The following RYR2 variants were observed in gnomAD, a reference collection of about 807,000 sequenced individuals.
RYR2 encodes cardiac muscle ryanodine receptor-calcium release channel.
RYR2 carries 227 observed loss-of-function variants against 601.1 expected under a neutral mutation model. That is an observed-to-expected ratio of 0.38 (90% CI 0.34 to 0.42). RYR2 has a LOEUF of 0.42. Among genes scored for constraint, RYR2 ranks in the 10% least tolerant of loss-of-function variants. RYR2 has a pLI of 1.00. For missense variants in RYR2, 4,646 were observed against 6,156.5 expected (o/e 0.75, Z 8.21); for synonymous variants, 2,223 against 2,175.1 (o/e 1.02, Z -0.61).
At chr1:237,242,045 A>C (rs1334364895) in intron 1 of RYR2, among the ~76,000 whole-genome samples, 2 of 152,186 alleles carry the variant, frequency 1.3e-5, no homozygotes, top group African/African-American at 4.8e-5. Context: ...TAGTAGATAG[A>C]AAGGCATAAT....
At chr1:237,345,475 A>T (rs531693134) in intron 3 of RYR2, among the ~76,000 whole-genome samples, 85 of 146,482 alleles carry the variant, frequency 5.8e-4, no homozygotes, top group Non-Finnish European at 7.7e-4. Flanking sequence ...AATAAAAAAT[A>T]AAAAATAAAA....
chr1:237,614,198 G>C lies in RYR2; in HGVS notation c.5070G>C (p.Glu1690Asp). Residue 1690 changes from glutamate to aspartate, a missense_variant, in exon 37 of 105, where the codon GAG becomes GAC. By Grantham distance (45) the Glu-to-Asp change is conservative. Around this residue, in one of 17 missense-constraint regions of RYR2, gnomAD observed 1,807 missense variants for 2,088.1 expected, o/e 0.87. Transcript: ENST00000366574. This position sits in a 1 kb window ranked among gnomAD's most constrained non-coding sequence, Gnocchi z 4.3. ...VDEPQLLYAI[E>D]NKYMPGLLRA... Reference sequence around the variant, plus strand: ...AACCTCAGCTCCTCTATGCCATTGAGAACAAGTACATGCCTGGTTTGCTGC... The same window carrying C: ...AACCTCAGCTCCTCTATGCCATTGACAACAAGTACATGCCTGGTTTGCTGC... The C allele has an allele frequency of 2.5e-6, 4 of 1,614,004 alleles. No individual in the cohort carries two copies. Among genetic ancestry groups the C allele is most frequent in the Non-Finnish European group, 3.4e-6 (4 of 1,179,890 alleles).
chr1:237,334,507 A>G (rs1051768772), intron 3 of RYR2, among the ~76,000 whole-genome samples: 4 of 151,674 alleles, frequency 2.6e-5, no homozygotes, highest in Non-Finnish European at 4.4e-5. Flanking sequence ...TACATTGACT[A>G]TCATTTAGCT....
intron 2 of RYR2, among the ~76,000 whole-genome samples, chr1:237,291,575 C>G (rs1172452329): frequency 6.6e-6 from 1 of 152,090 alleles, no homozygotes; most frequent in African/African-American, 2.4e-5. Flanking sequence ...ACTGGTGCAT[C>G]CAGACAATGG....
rs569124843 is a variant in RYR2 at position 237,656,116 on chromosome 1, C to T, written c.8129+132C>T. On this transcript the variant is annotated intron_variant, in intron 53 of 104. Coordinates refer to ENST00000366574, the MANE Select transcript of RYR2 (RefSeq NM_001035.3). ...ATTGGTATCCTTTTAATAGGGGTCCCTTTAATTTATAAAACGATAGTAATA... is the reference window on the plus strand; with the variant it reads ...ATTGGTATCCTTTTAATAGGGGTCCTTTTAATTTATAAAACGATAGTAATA... 6 of 660,746 alleles carry T rather than the reference C, an allele frequency of 9.1e-6. No homozygotes were observed. In the Admixed American group the frequency reaches 2.1e-4, roughly 24 times the overall value. 40.9% of individuals were successfully genotyped at this position (660,746 alleles called of 1,614,324 possible).
At chr1:237,697,125 AC>A (rs1386652195) in intron 63 of RYR2, among the ~76,000 whole-genome samples, 2 of 150,612 alleles carry the variant, frequency 1.3e-5, no homozygotes, top group South Asian at 2.1e-4. Flanking sequence ...TAGCCACTTG[AC>A]CCTCTTTGCT....
intron 2 of RYR2, among the ~76,000 whole-genome samples, chr1:237,317,504 A>G (rs1324383255): frequency 6.6e-6 from 1 of 152,160 alleles, no homozygotes; most frequent in African/African-American, 2.4e-5. Flanking sequence ...ATTAGTATAT[A>G]GGATAGCTGA....
chr1:237,635,008 G>T lies in RYR2; in HGVS notation c.6792+16G>T, dbSNP rs1158899637. The T allele has an allele frequency of 7.4e-6, 11 of 1,492,722 alleles. No homozygotes were observed. The South Asian group carries it at 1.3e-4, about 18-fold the overall frequency. 92.5% of individuals were successfully genotyped at this position (1,492,722 alleles called of 1,614,324 possible). A position where few individuals can be genotyped will look rare whatever the true frequency, so the allele number is the denominator to read the frequency against. ...TCTAGAAAAGGTGAGCAATGTTCCT[G>T]CCCTGTGTGTTTGTCTGAATTATGC... On this transcript the variant is annotated intron_variant, in intron 44 of 104. Coordinates refer to ENST00000366574, the MANE Select transcript of RYR2 (RefSeq NM_001035.3).
At chr1:237,441,039 C>T (rs1372617988) in intron 12 of RYR2, among the ~76,000 whole-genome samples, 2 of 151,740 alleles carry the variant, frequency 1.3e-5, no homozygotes, top group African/African-American at 4.8e-5. Flanking sequence ...GTATGTTTAG[C>T]TTAACTACTG....
chr1:237,666,936 C>G (rs1179110908), intron 57 of RYR2, among the ~76,000 whole-genome samples: 1 of 151,820 alleles, frequency 6.6e-6, no homozygotes, highest in Non-Finnish European at 1.5e-5. Flanking sequence ...GTTGATACAA[C>G]TTTTTCTAGG....
intron 3 of RYR2, among the ~76,000 whole-genome samples, chr1:237,338,723 T>C (rs1004435459): frequency 2.0e-5 from 3 of 152,216 alleles, no homozygotes; most frequent in Non-Finnish European, 4.4e-5. Flanking sequence ...TATTATGGTA[T>C]CTGCTCAGAG....
intron 25 of RYR2, among the ~76,000 whole-genome samples, chr1:237,547,396 T>G (rs931608321): frequency 6.6e-6 from 1 of 152,210 alleles, no homozygotes; most frequent in African/African-American, 2.4e-5. Flanking sequence ...GTTCTTGAGT[T>G]GAAGATGCAT....
intron 70 of RYR2, among the ~76,000 whole-genome samples, chr1:237,709,884 T>G (rs1182550707): frequency 6.6e-6 from 1 of 152,248 alleles, no homozygotes; most frequent in African/African-American, 2.4e-5. Flanking sequence ...GTTCTCAGTT[T>G]GAGACGTGCT....
At chr1:237,492,511 T>C (rs1663475500) in intron 18 of RYR2, among the ~76,000 whole-genome samples, 1 of 152,108 alleles carries the variant, frequency 6.6e-6, no homozygotes. Context: ...TGTAAAAAAG[T>C]GCTGCTGATG....
At chr1:237,608,833 A>G (rs1042128895) in intron 35 of RYR2, among the ~76,000 whole-genome samples, 1 of 144,208 alleles carries the variant, frequency 6.9e-6, no homozygotes, top group Non-Finnish European at 1.5e-5. Flanking sequence ...AAAATTGGAC[A>G]AGGAGTTGTA....
chr1:237,281,315 G>T (rs1277863836), intron 2 of RYR2, among the ~76,000 whole-genome samples: 3 of 152,152 alleles, frequency 2.0e-5, no homozygotes, highest in Non-Finnish European at 1.5e-5. Flanking sequence ...ACTCATTCTG[G>T]AAATTTTTAA....
At chr1:237,192,932 A>G (rs1160969314) in intron 1 of RYR2, among the ~76,000 whole-genome samples, 1 of 152,136 alleles carries the variant, frequency 6.6e-6, no homozygotes, top group Non-Finnish European at 1.5e-5. Flanking sequence ...GATAAAGCAG[A>G]TGTGTTTTTC....
At chr1:237,499,661 A>T (rs1664428021) in intron 20 of RYR2, among the ~76,000 whole-genome samples, 1 of 125,158 alleles carries the variant, frequency 8.0e-6, no homozygotes, top group Admixed American at 8.6e-5. Context: ...TTGGTAAAAT[A>T]GAAAGTGTCC....
At chr1:237,071,895 G>C (rs1664387252) in intron 1 of RYR2, among the ~76,000 whole-genome samples, 2 of 152,344 alleles carry the variant, frequency 1.3e-5, no homozygotes, top group Middle Eastern at 3.4e-3. Flanking sequence ...CGGGGGTGCT[G>C]GTGTGTTATC....
Sources: allele counts gnomAD v4.1 joint callset (sites outside exome capture counted in the v4.1 genomes callset), GRCh38; gene constraint gnomAD v4.1.1; regional missense constraint gnomAD v4.1.1; non-coding constraint Gnocchi (gnomAD v3.1); transcripts MANE v1.5; gene names NCBI Gene and HGNC (gene_info 2026-07-23, HGNC 2026-07-21).